ASIC2: variants seen among roughly 807,000 people sequenced by gnomAD.
ASIC2 encodes the protein acid sensing ion channel subunit 2.
A neutral mutation model predicts 57.3 loss-of-function variants in ASIC2; 25 were observed. That is an observed-to-expected ratio of 0.44 (90% CI 0.32 to 0.61). ASIC2 has a LOEUF of 0.61. ASIC2 is among the 20% of genes least tolerant of loss of function. The probability of loss-of-function intolerance (pLI) is 0.06; values close to 1 mark genes in which losing one functional copy is unlikely to be tolerated. For missense variants in ASIC2, 641 were observed against 738.1 expected, an observed-to-expected ratio of 0.87 and a Z score of 1.52; for synonymous variants, 319 against 307.5, an observed-to-expected ratio of 1.04 and a Z score of -0.39.
chr17:33,061,373 G>C (rs1386144688), intron 3 of ASIC2, among the ~76,000 whole-genome samples: 6 of 152,118 alleles, frequency 3.9e-5, no homozygotes, highest in Non-Finnish European at 7.4e-5. Context: ...TGGCATGAAG[G>C]GCTGTTGAAT....
chr17:34,029,272 C>T (rs954148482), intron 1 of ASIC2, among the ~76,000 whole-genome samples: 2 of 150,808 alleles, frequency 1.3e-5, no homozygotes, highest in African/African-American at 4.9e-5. Flanking sequence ...TGTCTGTTTT[C>T]TCTATTACTG....
intron 1 of ASIC2, among the ~76,000 whole-genome samples, chr17:33,948,008 T>C (rs184360417): frequency 2.0e-5 from 3 of 152,308 alleles, no homozygotes; most frequent in African/African-American, 4.8e-5. Flanking sequence ...GAATAGGATG[T>C]GAAGGGTGAA....
intron 1 of ASIC2, among the ~76,000 whole-genome samples, chr17:33,841,088 T>C (rs978525553): frequency 2.0e-5 from 3 of 152,240 alleles, no homozygotes; most frequent in African/African-American, 7.2e-5. Context: ...ACACAATCCT[T>C]TTCTCAAGCT....
chr17:33,648,370 C>G (rs867245368), intron 1 of ASIC2, among the ~76,000 whole-genome samples: 21 of 152,316 alleles, frequency 1.4e-4, no homozygotes, highest in Admixed American at 3.3e-4. Context: ...CCACTAACAC[C>G]CCCTGCCTGG....
At chr17:33,187,050 G>T (rs1206176112) in intron 1 of ASIC2, among the ~76,000 whole-genome samples, 1 of 152,138 alleles carries the variant, frequency 6.6e-6, no homozygotes, top group Non-Finnish European at 1.5e-5. Flanking sequence ...AAAAGGTCAC[G>T]GTCACTATTT....
At chr17:33,760,172 AAT>A (rs1555558720) in intron 1 of ASIC2, among the ~76,000 whole-genome samples, 1 of 152,210 alleles carries the variant, frequency 6.6e-6, no homozygotes, top group Non-Finnish European at 1.5e-5. Context: ...CTCAAAAAAA[AAT>A]GGACTTATTT....
intron 1 of ASIC2, among the ~76,000 whole-genome samples, chr17:33,951,119 A>G (rs138980566): frequency 3.2e-3 from 484 of 152,304 alleles, no homozygotes; most frequent in Non-Finnish European, 5.1e-3. Flanking sequence ...AATAGTAATA[A>G]CATATATTTG....
At chr17:34,118,952 T>C (rs1911511622) in intron 1 of ASIC2, 1 of 152,288 alleles carries the variant, frequency 6.6e-6, no homozygotes, top group Non-Finnish European at 1.5e-5. Flanking sequence ...TCTTTCATTG[T>C]ATTACATAGA....
intron 1 of ASIC2, among the ~76,000 whole-genome samples, chr17:33,539,329 C>T (rs1288447775): frequency 2.6e-5 from 4 of 152,236 alleles, no homozygotes; most frequent in South Asian, 2.1e-4. Flanking sequence ...ATCAAGGCTG[C>T]GCCTGCCATT....
At chr17:33,725,438 G>A (rs1013838755) in intron 1 of ASIC2, among the ~76,000 whole-genome samples, 2 of 152,038 alleles carry the variant, frequency 1.3e-5, no homozygotes, top group Non-Finnish European at 2.9e-5. Flanking sequence ...CTGCAGTGAT[G>A]GGCGTTAGGG....
At chr17:33,498,784 G>T (rs1344314571) in intron 1 of ASIC2, among the ~76,000 whole-genome samples, 3 of 152,206 alleles carry the variant, frequency 2.0e-5, no homozygotes, top group African/African-American at 7.2e-5. Flanking sequence ...GAAGCAAAGA[G>T]GAATGAGTGT....
intron 1 of ASIC2, among the ~76,000 whole-genome samples, chr17:33,483,435 C>T (rs1019455246): frequency 6.6e-5 from 10 of 152,350 alleles, no homozygotes; most frequent in East Asian, 1.9e-4. Flanking sequence ...CAGAGGACTG[C>T]TCTTTACAAA....
intron 1 of ASIC2, among the ~76,000 whole-genome samples, chr17:33,730,448 A>G (rs1055482823): frequency 6.6e-6 from 1 of 152,240 alleles, no homozygotes; most frequent in African/African-American, 2.4e-5. Context: ...TTGAAATCAC[A>G]CAATAATTCA....
intron 1 of ASIC2, among the ~76,000 whole-genome samples, chr17:33,748,150 ACT>A (rs1039764949): frequency 2.6e-5 from 4 of 151,906 alleles, no homozygotes; most frequent in African/African-American, 9.7e-5. Context: ...TGCCGGCCAC[ACT>A]CTCTGGGCAG....
chr17:33,704,117 A>T (rs1161870311), intron 1 of ASIC2, among the ~76,000 whole-genome samples: 2 of 152,182 alleles, frequency 1.3e-5, no homozygotes, highest in African/African-American at 4.8e-5. Context: ...TGTTCTTGGG[A>T]CCCAGCAACC....
At chr17:33,802,752 G>A (rs1335565600) in intron 1 of ASIC2, among the ~76,000 whole-genome samples, 5 of 152,230 alleles carry the variant, frequency 3.3e-5, no homozygotes, top group Admixed American at 2.0e-4. Context: ...TTTGTCTGCC[G>A]TTGGCCTAGA....
chr17:33,372,587 C>T (rs1909115222), intron 1 of ASIC2, among the ~76,000 whole-genome samples: 2 of 152,182 alleles, frequency 1.3e-5, no homozygotes, highest in Admixed American at 6.5e-5. Flanking sequence ...TTGGACCTCA[C>T]CTTGGTCTCC....
chr17:33,872,919 C>T (rs999349127), intron 1 of ASIC2, among the ~76,000 whole-genome samples: 5 of 152,088 alleles, frequency 3.3e-5, no homozygotes, highest in Non-Finnish European at 7.4e-5. Flanking sequence ...GAGGGTTCCA[C>T]AAGCCTGGGG....
At chr17:33,269,405 C>A (rs1904354700) in intron 1 of ASIC2, among the ~76,000 whole-genome samples, 1 of 152,152 alleles carries the variant, frequency 6.6e-6, no homozygotes, top group South Asian at 2.1e-4. Flanking sequence ...GGGGGAAACA[C>A]AGAAATGACA....
Sources: gnomAD v4.1 joint callset for allele counts (sites outside exome capture counted in the v4.1 genomes callset) on GRCh38, gnomAD v4.1.1 for gene constraint, MANE v1.5 for transcripts, NCBI Gene and HGNC (gene_info 2026-07-23, HGNC 2026-07-21) for gene names.